PRDX6: variants seen among roughly 807,000 people sequenced by gnomAD.
PRDX6 encodes peroxiredoxin 6, also known as peroxiredoxin-6.
Under a neutral mutation model 20.0 loss-of-function variants are expected in PRDX6, and 13 were observed. That is an observed-to-expected ratio of 0.65 (90% CI 0.42 to 1.03). The LOEUF is 1.03. Ranked by LOEUF, PRDX6 falls within the 50% of genes least tolerant of loss-of-function variation. The pLI, the probability that PRDX6 is intolerant of heterozygous loss-of-function variation, is 0.00. For synonymous variants in PRDX6, 85 were observed against 100.8 expected (o/e 0.84, Z 0.94); for missense variants, 203 against 276.9 (o/e 0.73, Z 1.89).
chr1:173,481,510 G>T (rs1324483529), intron 2 of PRDX6, 28 bp downstream of exon 2: 2 of 1,605,220 alleles, frequency 1.2e-6, no homozygotes, highest in African/African-American at 1.3e-5. Flanking sequence ...TGTGCTTTGA[G>T]CCTGAGATTA....
chr1:173,479,518 C>T (rs934166768), intron 1 of PRDX6, among the ~76,000 whole-genome samples: 2 of 152,226 alleles, frequency 1.3e-5, no homozygotes, highest in Admixed American at 1.3e-4. Flanking sequence ...TTGGGTGCTA[C>T]ATTGGGTGAG....
intron 2 of PRDX6, among the ~76,000 whole-genome samples, chr1:173,484,884 C>T (rs1279880246): frequency 1.4e-5 from 2 of 147,490 alleles, no homozygotes; most frequent in Non-Finnish European, 3.0e-5. Context: ...TGTCTTGTAA[C>T]TTAGCATCTG....
At chr1:173,487,670 A>T (rs1658922711) in intron 4 of PRDX6, 65 bp from the exon 5 acceptor site, 1 of 1,578,376 alleles carries the variant, frequency 6.3e-7, no homozygotes, top group Non-Finnish European at 8.7e-7. Context: ...TCTAAAGTTA[A>T]TTCCTGAAGG....
In PRDX6 at chr1:173,477,368, T is replaced by G; in HGVS notation, c.-30T>G. On this transcript the variant is annotated 5_prime_UTR_variant, in exon 1 of 5. Transcript: ENST00000340385. ...GCCAGAACCAACCGGTTGCTTGCTG[T>G]CCCAGCGGCGCCCCCTCATCACCGT... 2 of 1,571,916 alleles carry G rather than the reference T, an allele frequency of 1.3e-6. No individual in the cohort carries two copies. Among genetic ancestry groups the G allele is most frequent in the Non-Finnish European group, 1.7e-6 (2 of 1,151,782 alleles).
In PRDX6 at chr1:173,477,464, A is replaced by T; in HGVS notation, c.67A>T (p.Ile23Phe). 6.2e-7 allele frequency: 1 copy of T among 1,606,762 alleles called. No homozygotes were observed. The highest frequency in any genetic ancestry group is 8.5e-7 in the Non-Finnish European group (1 of 1,177,004). ...TGAGGCCAATACCACCGTCGGCCGC[A>T]TCCGTTTCCACGACTTTCTGGGAGA... ...NFEANTTVGRIRFHDFLGDSW... is the reference protein window; with the variant it reads ...NFEANTTVGRFRFHDFLGDSW... The change falls in exon 1 of 5, where the codon ATC becomes TTC. Residue 23 changes from isoleucine (I) to phenylalanine (F), a missense_variant. Transcript: ENST00000340385.
intron 1 of PRDX6, among the ~76,000 whole-genome samples, chr1:173,478,139 C>G (rs753766322): frequency 6.6e-6 from 1 of 152,176 alleles, no homozygotes; most frequent in Non-Finnish European, 1.5e-5. Flanking sequence ...AGTAGGTGGC[C>G]GAAAGACTTT....
chr1:173,480,852 T>C (rs540929206), intron 1 of PRDX6, among the ~76,000 whole-genome samples: 1 of 152,342 alleles, frequency 6.6e-6, no homozygotes, highest in Admixed American at 6.5e-5. Flanking sequence ...ATTACATAAT[T>C]TGTTTATTAT....
At position 173,485,519 on chromosome 1, in the gene PRDX6, A is replaced by G; in HGVS notation, c.399+12A>G. ...TGACAGCTCGTGTGGTAGGTCATAC[A>G]AATTCATTTTGTAGTTAGCTTAACT... On this transcript the variant is annotated intron_variant, in intron 3 of 4. Transcript: ENST00000340385. The G allele has an allele frequency of 6.3e-7, 1 of 1,576,280 alleles. No homozygotes were observed. Among genetic ancestry groups the G allele is most frequent in the Non-Finnish European group, 8.6e-7 (1 of 1,157,596 alleles).
intron 2 of PRDX6, among the ~76,000 whole-genome samples, chr1:173,484,167 T>TAG (rs1658856759): frequency 9.5e-6 from 1 of 105,286 alleles, no homozygotes; most frequent in Non-Finnish European, 1.9e-5. Flanking sequence ...TATATATATA[T>TAG]TTATATATAT....
In PRDX6 at chr1:173,485,426, G is replaced by A. The variant is rs2101859387; in HGVS notation, c.318G>A (p.Arg106=). The A allele has an allele frequency of 6.2e-7, 1 of 1,610,584 alleles. No homozygotes were observed. Among genetic ancestry groups the A allele is most frequent in the Non-Finnish European group, 8.5e-7 (1 of 1,178,350 alleles). Residue 106 remains arginine (R), a synonymous_variant, in exon 3 of 5, where the codon AGG becomes AGA. Transcript: ENST00000340385. The part of the protein sequence containing the change: ...EKLPFPIIDD[R]NRELAILLGM... Reference sequence around the variant, plus strand: ...TACCTTTTCCCATCATCGATGATAGGAATCGGGAGCTTGCCATCCTGTTGG... The same window carrying A: ...TACCTTTTCCCATCATCGATGATAGAAATCGGGAGCTTGCCATCCTGTTGG...
chr1:173,477,603 C>A (rs901117413), intron 1 of PRDX6, 111 bp downstream of exon 1: 3 of 878,192 alleles, frequency 3.4e-6, no homozygotes, highest in Non-Finnish European at 5.2e-6. Context: ...CCCTGCGCCG[C>A]CCTCGCCTTC....
intron 1 of PRDX6, among the ~76,000 whole-genome samples, chr1:173,479,964 TC>T (rs1344625590): frequency 6.6e-6 from 1 of 152,252 alleles, no homozygotes; most frequent in Non-Finnish European, 1.5e-5. Context: ...AACGCCCTGT[TC>T]CATTTCTTCT....
rs35570547 is a variant in PRDX6 at position 173,488,178 on chromosome 1, C to G, written c.*315C>G. The G allele has an allele frequency of 1.3e-4, 29 of 222,420 alleles. No homozygotes were observed. Among genetic ancestry groups the G allele is most frequent in the African/African-American group, 5.9e-4 (26 of 43,954 alleles). 13.8% of individuals were successfully genotyped at this position (222,420 alleles called of 1,614,324 possible). A position where few individuals can be genotyped will look rare whatever the true frequency, so the allele number is the denominator to read the frequency against. ...TGAAGTCATATTTGTTGATGGTTGA[C>G]AAAGCTTGCTTCACTCCATCAGAGA... On this transcript the variant is annotated 3_prime_UTR_variant, in exon 5 of 5. Coordinates refer to ENST00000340385, the MANE Select transcript of PRDX6 (RefSeq NM_004905.3).
rs2101855189 is a variant in PRDX6 at position 173,477,563 on chromosome 1, TCTCCCTGCCGTC to T, written c.95+77_95+88del. ...ACTCGGAGGTGCCTTCCCTGTTTCT[TCTCCCTGCCGTC>T]CTCCCGGCCGCTCAGCCCCCTGCGC... On this transcript the variant is annotated intron_variant, in intron 1 of 4. Transcript: ENST00000340385. 3.1e-6 allele frequency: 4 copies of T among 1,287,402 alleles called. No homozygotes were observed. The East Asian group carries it at 8.2e-5, about 27-fold the overall frequency. 79.7% of individuals were successfully genotyped at this position (1,287,402 alleles called of 1,614,324 possible).
At chr1:173,481,210 A>C in intron 1 of PRDX6, 116 bp from the exon 2 acceptor site, 1 of 1,008,382 alleles carries the variant, frequency 9.9e-7, no homozygotes, top group East Asian at 2.4e-5. Context: ...ATATCATCAT[A>C]AGCATTCATT....
intron 1 of PRDX6, among the ~76,000 whole-genome samples, chr1:173,477,848 A>G (rs1162109261): frequency 1.3e-5 from 2 of 152,186 alleles, no homozygotes; most frequent in African/African-American, 4.8e-5. Flanking sequence ...TTGTCCATTT[A>G]ACTCGTCTTA....
At chr1:173,484,137 ATT>A (rs1557997346) in intron 2 of PRDX6, among the ~76,000 whole-genome samples, 25 of 100,286 alleles carry the variant, frequency 2.5e-4, no homozygotes, top group Non-Finnish European at 3.0e-4. Context: ...AAAAAAAAAA[ATT>A]AGATATATAT....
intron 1 of PRDX6, among the ~76,000 whole-genome samples, chr1:173,480,685 ATTG>A (rs771471891): frequency 5.3e-5 from 8 of 152,190 alleles, no homozygotes; most frequent in Non-Finnish European, 1.0e-4. Context: ...TGAAGGTGCT[ATTG>A]TTTTGTCAGA....
At chr1:173,486,432 A>G (rs749699401) in intron 4 of PRDX6, 31 bp downstream of exon 4, 5 of 1,586,642 alleles carry the variant, frequency 3.2e-6, no homozygotes, top group African/African-American at 1.4e-5. Flanking sequence ...CAGTTTCTCT[A>G]CTTGCCTGAA....
Sources: allele counts gnomAD v4.1 joint callset (sites outside exome capture counted in the v4.1 genomes callset), GRCh38; gene constraint gnomAD v4.1.1; transcripts MANE v1.5; gene names NCBI Gene and HGNC (gene_info 2026-07-23, HGNC 2026-07-21).